Variants in THADA observed in about 807,000 individuals in gnomAD.
THADA encodes THADA armadillo repeat containing.
THADA carries 213 observed loss-of-function variants against 219.8 expected under a neutral mutation model. The ratio of observed to expected loss-of-function variants is 0.97; its 90% CI spans 0.87 to 1.09. The LOEUF is 1.09. THADA is among the 50% of genes least tolerant of loss of function. The pLI, the probability that THADA is intolerant of heterozygous loss-of-function variation, is 0.00. For synonymous variants in THADA, 1,018 were observed against 828.9 expected (o/e 1.23, Z -3.92); for missense variants, 2,956 against 2,311.3 (o/e 1.28, Z -5.72).
At chr2:43,279,153 A>C (rs984742899) in intron 36 of THADA, among the ~76,000 whole-genome samples, 4 of 152,110 alleles carry the variant, frequency 2.6e-5, no homozygotes, top group Non-Finnish European at 5.9e-5. Context: ...TTGCCATTAC[A>C]TGCACATGAC....
At chr2:43,349,098 T>C (rs1018286853) in intron 29 of THADA, among the ~76,000 whole-genome samples, 2 of 152,130 alleles carry the variant, frequency 1.3e-5, no homozygotes, top group East Asian at 1.9e-4. Context: ...ATGACTATCA[T>C]AGGCATGGAA....
intron 31 of THADA, among the ~76,000 whole-genome samples, chr2:43,307,842 C>T (rs966097931): frequency 6.6e-6 from 1 of 151,732 alleles, no homozygotes; most frequent in Non-Finnish European, 1.5e-5. Flanking sequence ...AACCCATAAC[C>T]AGGAGAAAAA....
intron 26 of THADA, among the ~76,000 whole-genome samples, chr2:43,456,213 G>T (rs916994925): frequency 1.3e-5 from 2 of 152,102 alleles, no homozygotes; most frequent in Admixed American, 1.3e-4. Flanking sequence ...CACATTAAAA[G>T]TTTAAAAAAA....
intron 28 of THADA, among the ~76,000 whole-genome samples, chr2:43,423,179 G>A (rs1460568736): frequency 6.6e-6 from 1 of 151,810 alleles, no homozygotes; most frequent in African/African-American, 2.4e-5. Flanking sequence ...TCCTATGCTT[G>A]AAGGTTATTT....
chr2:43,493,919 T>C (rs1687956983), intron 25 of THADA, among the ~76,000 whole-genome samples: 1 of 152,212 alleles, frequency 6.6e-6, no homozygotes, highest in South Asian at 2.1e-4. Context: ...GTCTCCACTT[T>C]TACCTACATC....
intron 31 of THADA, 135 bp downstream of exon 31, chr2:43,320,311 A>G (rs1339899346): frequency 1.8e-5 from 11 of 608,946 alleles, no homozygotes; most frequent in Non-Finnish European, 3.2e-5. Flanking sequence ...ACTATATGAC[A>G]CTGTTTAATT....
chr2:43,373,369 A>T (rs1671019996), intron 29 of THADA, among the ~76,000 whole-genome samples: 1 of 152,236 alleles, frequency 6.6e-6, no homozygotes, highest in Non-Finnish European at 1.5e-5. Flanking sequence ...GATGCAAGTT[A>T]TTATTGGCAT....
In THADA at chr2:43,375,229, C is replaced by T. The variant is rs200417948; in HGVS notation, c.4227+22742G>A. Among the ~76,000 whole-genome samples, 30 of 152,256 alleles carry T rather than the reference C, an allele frequency of 2.0e-4. 1 individual carries two copies. In the East Asian group the frequency reaches 5.6e-3, roughly 28 times the overall value. On this transcript the variant is annotated intron_variant, in intron 29 of 37. Coordinates refer to ENST00000405975, the MANE Select transcript of THADA (RefSeq NM_022065.5). ...TTCAGTTCAGAGTTTAAGTGACTTG[C>T]CCTAGCAAGTATCTAGAAAATGGGG...
chr2:43,518,767 T>A (rs1470823138), intron 22 of THADA, among the ~76,000 whole-genome samples: 1 of 152,196 alleles, frequency 6.6e-6, no homozygotes, highest in East Asian at 1.9e-4. Flanking sequence ...ATTTCCTCTG[T>A]TTGGCTGACT....
At position 43,578,873 on chromosome 2, in the gene THADA, A is replaced by G. The variant is rs74501107; in HGVS notation, c.722-266T>C. 1.5e-4 allele frequency among the ~76,000 whole-genome samples: 23 copies of G among 152,190 alleles called. No homozygotes were observed. The South Asian group carries it at 4.8e-3, about 32-fold the overall frequency. On this transcript the variant is annotated intron_variant, in intron 8 of 37. Transcript: ENST00000405975. ...TTTTAGAAGGAGTCTCACTCTGTTG[A>G]CAGGCTGGAGTGTAGTAGCGTGACC... is the stretch of plus-strand genomic sequence containing the variant.
At chr2:43,534,416 T>C (rs536750762) in intron 21 of THADA, among the ~76,000 whole-genome samples, 2 of 152,302 alleles carry the variant, frequency 1.3e-5, no homozygotes, top group East Asian at 1.9e-4. Context: ...TAAAGAACAC[T>C]AGAGCTTATT....
At chr2:43,579,471 C>T (rs1700188026) in intron 8 of THADA, among the ~76,000 whole-genome samples, 1 of 152,166 alleles carries the variant, frequency 6.6e-6, no homozygotes, top group Non-Finnish European at 1.5e-5. Flanking sequence ...GTGAGTTGTT[C>T]AACCTGGGGA....
chr2:43,526,356 G>A (rs1468842794), intron 22 of THADA, among the ~76,000 whole-genome samples: 1 of 151,798 alleles, frequency 6.6e-6, no homozygotes, highest in Non-Finnish European at 1.5e-5. Flanking sequence ...CTATAATTTG[G>A]CCTCAATCTA....
intron 34 of THADA, among the ~76,000 whole-genome samples, chr2:43,287,578 T>A (rs1194792198): frequency 6.6e-6 from 1 of 152,192 alleles, no homozygotes; most frequent in East Asian, 1.9e-4. Flanking sequence ...ATTACAGACA[T>A]GAGCCACTGC....
intron 29 of THADA, among the ~76,000 whole-genome samples, chr2:43,396,174 C>G (rs910881962): frequency 2.6e-5 from 4 of 152,244 alleles, no homozygotes; most frequent in African/African-American, 9.6e-5. Context: ...CCTAGAACTT[C>G]AGTCCCACCC....
chr2:43,517,135 C>A (rs532777130), intron 22 of THADA, among the ~76,000 whole-genome samples: 1 of 152,148 alleles, frequency 6.6e-6, no homozygotes, highest in African/African-American at 2.4e-5. Flanking sequence ...TACAGAAAAG[C>A]CACTCAGTAG....
intron 4 of THADA, 82 bp from the exon 5 acceptor site, chr2:43,587,084 T>C: frequency 7.3e-7 from 1 of 1,374,380 alleles, no homozygotes; most frequent in Non-Finnish European, 1.0e-6. Flanking sequence ...CATACAAATG[T>C]GGGAATACTG....
At chr2:43,412,069 T>A (rs1161512465) in intron 28 of THADA, among the ~76,000 whole-genome samples, 2 of 152,164 alleles carry the variant, frequency 1.3e-5, no homozygotes, top group African/African-American at 4.8e-5. Context: ...ATTTTGATGA[T>A]CAGATGATAT....
intron 20 of THADA, among the ~76,000 whole-genome samples, chr2:43,548,493 G>A (rs1696341646): frequency 1.3e-5 from 2 of 152,202 alleles, no homozygotes; most frequent in Admixed American, 1.3e-4. Flanking sequence ...GAGGCAGGCA[G>A]GCCTCCTTGA....
Sources: allele counts gnomAD v4.1 joint callset (sites outside exome capture counted in the v4.1 genomes callset), GRCh38; gene constraint gnomAD v4.1.1; transcripts MANE v1.5; gene names NCBI Gene and HGNC (gene_info 2026-07-23, HGNC 2026-07-21).